The following ANO10 variants were observed in gnomAD, a reference collection of about 807,000 sequenced individuals.
ANO10 encodes anoctamin 10, also known as anoctamin-10.
In ANO10, 77 loss-of-function variants were observed where a neutral mutation model predicts 74.7. That is an observed-to-expected ratio of 1.03 (90% confidence interval 0.86 to 1.25). The LOEUF (loss-of-function observed/expected upper bound fraction) is 1.25, where lower values mean the gene tolerates loss of function less well. Ranked by LOEUF, ANO10 falls within the 50% of genes most tolerant of loss-of-function variation. The pLI is 0.00. For synonymous variants in ANO10, 279 were observed against 284.9 expected (o/e 0.98, Z 0.21); for missense variants, 721 against 778.1 (o/e 0.93, Z 0.87).
chr3:43,679,836 G>C (rs1297426047), intron 1 of ANO10, among the ~76,000 whole-genome samples: 3 of 152,202 alleles, frequency 2.0e-5, no homozygotes, highest in East Asian at 3.8e-4. Context: ...ACAGGGTCTG[G>C]AGTGGACCTC....
chr3:43,368,496 A>G (rs1485784772), intron 12 of ANO10, among the ~76,000 whole-genome samples: 4 of 152,138 alleles, frequency 2.6e-5, no homozygotes, highest in Non-Finnish European at 4.4e-5. Context: ...AGGCACTGTA[A>G]AAGTCTCCCC....
chr3:43,439,597 T>C (rs1409890469), intron 11 of ANO10, among the ~76,000 whole-genome samples: 2 of 152,058 alleles, frequency 1.3e-5, no homozygotes, highest in Admixed American at 6.6e-5. Context: ...TCAAAAAATG[T>C]AATTTGTGGC....
rs1409952913 is a variant in ANO10 at position 43,466,681 on chromosome 3, C to T, written c.1798-33954G>A. Among the ~76,000 whole-genome samples the T allele has an allele frequency of 1.3e-5, 2 of 152,094 alleles. 1 individual carries two copies. The highest frequency in any genetic ancestry group is 1.3e-4 in the Admixed American group (2 of 15,272). The stretch of plus-strand genomic sequence containing the variant: ...TGTAAAACTCATTGAAGAAAATCTT[C>T]AGGACCTTAGGGTAACCAAAGATTT... On this transcript the variant is annotated intron_variant, in intron 11 of 12. Coordinates refer to ENST00000292246, the MANE Select transcript of ANO10 (RefSeq NM_018075.5).
At chr3:43,421,727 A>C (rs1159212062) in intron 12 of ANO10, among the ~76,000 whole-genome samples, 1 of 152,126 alleles carries the variant, frequency 6.6e-6, no homozygotes, top group Non-Finnish European at 1.5e-5. Flanking sequence ...AGTTCCAGCT[A>C]CTTGGTAGGC....
chr3:43,413,832 C>A (rs2092699986), intron 12 of ANO10, among the ~76,000 whole-genome samples: 1 of 151,620 alleles, frequency 6.6e-6, no homozygotes, highest in Non-Finnish European at 1.5e-5. Flanking sequence ...CCTGCTGTTA[C>A]CAGGAAAGTA....
chr3:43,647,956 C>T (rs530680452), intron 1 of ANO10, among the ~76,000 whole-genome samples: 10 of 152,124 alleles, frequency 6.6e-5, no homozygotes, highest in African/African-American at 2.4e-4. Flanking sequence ...CCATTAAAGG[C>T]CCTCATCTCT....
intron 1 of ANO10, among the ~76,000 whole-genome samples, chr3:43,633,837 G>C (rs991112261): frequency 6.6e-6 from 1 of 151,792 alleles, no homozygotes; most frequent in East Asian, 1.9e-4. Flanking sequence ...AAGTCCCATG[G>C]GAACATGTGG....
chr3:43,577,626 TG>T (rs2081076681), intron 5 of ANO10, among the ~76,000 whole-genome samples: 1 of 152,224 alleles, frequency 6.6e-6, no homozygotes, highest in Non-Finnish European at 1.5e-5. Flanking sequence ...AACATTAATT[TG>T]GGGGTTTAAT....
At chr3:43,508,945 A>AT (rs1486550524) in intron 11 of ANO10, among the ~76,000 whole-genome samples, 1 of 22,454 alleles carries the variant, frequency 4.5e-5, no homozygotes, top group Admixed American at 3.3e-4. Context: ...AAGTATAATA[A>AT]AAAAAAAAAA....
intron 11 of ANO10, among the ~76,000 whole-genome samples, chr3:43,436,627 A>C (rs999516584): frequency 6.6e-6 from 1 of 152,158 alleles, no homozygotes; most frequent in African/African-American, 2.4e-5. Flanking sequence ...GGACCAGAGA[A>C]AATTAGCACT....
intron 11 of ANO10, among the ~76,000 whole-genome samples, chr3:43,492,113 C>T (rs2076746212): frequency 1.3e-5 from 2 of 152,086 alleles, no homozygotes; most frequent in African/African-American, 4.8e-5. Context: ...CAGAAAAAAC[C>T]AGAGGCCTCA....
chr3:43,546,817 AC>A (rs1559679224), intron 11 of ANO10, among the ~76,000 whole-genome samples: 1 of 152,084 alleles, frequency 6.6e-6, no homozygotes, highest in Admixed American at 6.6e-5. Flanking sequence ...AATACAAAAG[AC>A]CCAAGATTCA....
intron 2 of ANO10, among the ~76,000 whole-genome samples, chr3:43,604,959 A>G (rs1238898139): frequency 6.6e-6 from 1 of 152,098 alleles, no homozygotes; most frequent in African/African-American, 2.4e-5. Context: ...TTCAGTTTAT[A>G]GTAACAGTTT....
intron 11 of ANO10, among the ~76,000 whole-genome samples, chr3:43,454,415 T>G (rs1459409029): frequency 2.6e-5 from 4 of 152,106 alleles, no homozygotes; most frequent in African/African-American, 7.2e-5. Context: ...GTGGCTGCTG[T>G]GTTGAGACCA....
At chr3:43,632,665 A>G (rs2083561178) in intron 1 of ANO10, among the ~76,000 whole-genome samples, 1 of 152,262 alleles carries the variant, frequency 6.6e-6, no homozygotes, top group African/African-American at 2.4e-5. Flanking sequence ...TGCATTGGAC[A>G]TGTTTTGCTG....
chr3:43,669,458 A>G (rs2084031302), intron 1 of ANO10, among the ~76,000 whole-genome samples: 1 of 152,124 alleles, frequency 6.6e-6, no homozygotes, highest in Non-Finnish European at 1.5e-5. Flanking sequence ...TTTGTCAATT[A>G]CAGTTCAGGT....
At chr3:43,687,042 A>G (rs1358924979) in intron 1 of ANO10, among the ~76,000 whole-genome samples, 6 of 150,200 alleles carry the variant, frequency 4.0e-5, no homozygotes, top group Non-Finnish European at 3.0e-5. Context: ...CAGCTGATTG[A>G]TGTTCAGGCC....
chr3:43,512,547 G>A (rs976576561), intron 11 of ANO10, among the ~76,000 whole-genome samples: 1 of 152,144 alleles, frequency 6.6e-6, no homozygotes, highest in Admixed American at 6.6e-5. Flanking sequence ...GTCATGAGGA[G>A]TTGTCAGATT....
chr3:43,665,527 A>T (rs565471649), intron 1 of ANO10, among the ~76,000 whole-genome samples: 51 of 152,096 alleles, frequency 3.4e-4, no homozygotes, highest in African/African-American at 1.1e-3. Context: ...TATATAATTT[A>T]AAAAAAAGAG....
Sources: gnomAD v4.1 joint callset for allele counts (sites outside exome capture counted in the v4.1 genomes callset) on GRCh38, gnomAD v4.1.1 for gene constraint, MANE v1.5 for transcripts, NCBI Gene and HGNC (gene_info 2026-07-23, HGNC 2026-07-21) for gene names.